HSPA12A: variants seen among roughly 807,000 people sequenced by gnomAD.
HSPA12A encodes heat shock 70 kDa protein 12A.
A neutral mutation model predicts 69.2 loss-of-function variants in HSPA12A; 28 were observed. That is an observed-to-expected ratio of 0.40 (90% CI 0.30 to 0.55). The LOEUF (loss-of-function observed/expected upper bound fraction) is 0.55. Among genes scored for constraint, HSPA12A ranks in the 20% least tolerant of loss-of-function variants. The probability of loss-of-function intolerance (pLI) is 0.38; values close to 1 mark genes in which losing one functional copy is unlikely to be tolerated. For missense variants in HSPA12A, 686 were observed against 900.7 expected (o/e 0.76, Z 3.05); for synonymous variants, 345 against 370.5 (o/e 0.93, Z 0.79).
intron 2 of HSPA12A, among the ~76,000 whole-genome samples, chr10:116,818,698 AT>A (rs1196961468): frequency 6.6e-6 from 1 of 152,206 alleles, no homozygotes; most frequent in African/African-American, 2.4e-5. Flanking sequence ...CAGTGGTCTG[AT>A]GTCCCAGAGG....
chr10:116,754,563 A>T (rs1415454049), intron 2 of HSPA12A, among the ~76,000 whole-genome samples: 3 of 152,248 alleles, frequency 2.0e-5, no homozygotes, highest in Admixed American at 6.5e-5. Context: ...ACAGGTGTGT[A>T]ACGTGCATGT....
chr10:116,776,022 G>A (rs554136430), intron 2 of HSPA12A, among the ~76,000 whole-genome samples: 13 of 152,262 alleles, frequency 8.5e-5, no homozygotes, highest in South Asian at 2.1e-4. Context: ...CATCCTCTGC[G>A]TCCCCTCTGG....
At chr10:116,691,441 C>A (rs1352989517) in intron 6 of HSPA12A, among the ~76,000 whole-genome samples, 3 of 152,108 alleles carry the variant, frequency 2.0e-5, no homozygotes, top group Admixed American at 6.6e-5. Flanking sequence ...GAAAGGTGGG[C>A]AGGATGCTTC....
chr10:116,809,230 A>G (rs1845128493), intron 2 of HSPA12A, among the ~76,000 whole-genome samples: 1 of 152,154 alleles, frequency 6.6e-6, no homozygotes, highest in African/African-American at 2.4e-5. Context: ...ACTTGCAGGT[A>G]AAGTCACCAG....
Position 116,835,023 on chromosome 10 carries a change from C to G in HSPA12A, c.4-1G>C. 3.3e-6 allele frequency: 4 copies of G among 1,230,484 alleles called. No individual in the cohort carries two copies. The highest frequency in any genetic ancestry group is 4.1e-6 in the Non-Finnish European group (4 of 986,644). 76.2% of individuals were successfully genotyped at this position (1,230,484 alleles called of 1,614,324 possible). ...ATCCGTACACGCCAACACTCTCCAT[C>G]TGTAGGAGGGGGGAAAAGAGTTGCA... On this transcript the variant is annotated splice_acceptor_variant, in intron 1 of 12. Coordinates refer to the HSPA12A transcript ENST00000635765. LOFTEE classifies it high-confidence loss of function.
chr10:116,757,624 C>G (rs1041990031), intron 2 of HSPA12A, among the ~76,000 whole-genome samples: 8 of 152,182 alleles, frequency 5.3e-5, no homozygotes, highest in African/African-American at 1.9e-4. Context: ...CAGCGGAGGT[C>G]AGGGTTAAGA....
chr10:116,751,521 A>G (rs1589685228), intron 2 of HSPA12A, among the ~76,000 whole-genome samples: 3 of 152,326 alleles, frequency 2.0e-5, no homozygotes, highest in African/African-American at 7.2e-5. Context: ...AAAAATTTCA[A>G]GGATCCAGAA....
intron 1 of HSPA12A, 114 bp from the exon 2 acceptor site, chr10:116,707,399 G>A: frequency 2.5e-6 from 2 of 813,342 alleles, no homozygotes; most frequent in Non-Finnish European, 4.0e-6. Flanking sequence ...TGCAAAGCCA[G>A]CTCACGAAAT....
intron 1 of HSPA12A, among the ~76,000 whole-genome samples, chr10:116,837,654 G>A (rs1214521999): frequency 2.0e-5 from 3 of 152,084 alleles, no homozygotes; most frequent in Admixed American, 2.0e-4. Context: ...TTTAGAGACT[G>A]GGGATTTTAG....
chr10:116,712,954 G>T, intron 1 of HSPA12A, among the ~76,000 whole-genome samples: 1 of 107,116 alleles, frequency 9.3e-6, no homozygotes, highest in African/African-American at 3.8e-5. Flanking sequence ...TTAAGGTCTG[G>T]TACTTATGAT....
intron 2 of HSPA12A, among the ~76,000 whole-genome samples, chr10:116,823,659 C>CT (rs1295461416): frequency 2.6e-5 from 4 of 152,132 alleles, no homozygotes; most frequent in African/African-American, 9.7e-5. Context: ...AAATAATAGT[C>CT]TTTTCACTAA....
At chr10:116,677,242 T>C (rs1554877856) in intron 10 of HSPA12A, among the ~76,000 whole-genome samples, 1 of 152,228 alleles carries the variant, frequency 6.6e-6, no homozygotes. Context: ...ACTAAGCAAA[T>C]GCCAGGGACT....
intron 2 of HSPA12A, among the ~76,000 whole-genome samples, chr10:116,810,046 T>A (rs1218100933): frequency 3.9e-5 from 6 of 152,170 alleles, no homozygotes; most frequent in Non-Finnish European, 1.5e-5. Flanking sequence ...CTGAAGAATG[T>A]GAACTCTGAG....
chr10:116,751,417 T>C (rs1162571156), intron 2 of HSPA12A, among the ~76,000 whole-genome samples: 1 of 152,208 alleles, frequency 6.6e-6, no homozygotes, highest in Non-Finnish European at 1.5e-5. Flanking sequence ...TATTGTGGAA[T>C]GCATATGCGT....
At chr10:116,805,471 G>A (rs1056646939) in intron 2 of HSPA12A, among the ~76,000 whole-genome samples, 2 of 152,006 alleles carry the variant, frequency 1.3e-5, no homozygotes, top group African/African-American at 4.8e-5. Context: ...AACAATGATG[G>A]GAAATTCACA....
intron 1 of HSPA12A, among the ~76,000 whole-genome samples, chr10:116,842,446 G>T (rs997154569): frequency 6.6e-6 from 1 of 152,100 alleles, no homozygotes; most frequent in Non-Finnish European, 1.5e-5. Flanking sequence ...ATTAATAAAA[G>T]AAGTACAAAT....
chr10:116,839,750 T>C (rs1470058394), intron 1 of HSPA12A, among the ~76,000 whole-genome samples: 4 of 151,124 alleles, frequency 2.6e-5, no homozygotes, highest in Non-Finnish European at 4.4e-5. Flanking sequence ...AACATAGCAA[T>C]CATATGATCA....
intron 2 of HSPA12A, among the ~76,000 whole-genome samples, chr10:116,802,732 C>T (rs999278462): frequency 1.3e-5 from 2 of 152,206 alleles, no homozygotes; most frequent in African/African-American, 4.8e-5. Context: ...CAGGCTGCCC[C>T]GATCACGGCT....
At position 116,770,730 on chromosome 10, in the gene HSPA12A, A is replaced by T. The variant is rs61608353; in HGVS notation, c.92-63445T>A. ...CCAACCTCCTGTGCACTGTTCCCAT[A>T]AGCCCCTCCCCAGGTGCTCGGGACA... On this transcript the variant is annotated intron_variant, in intron 2 of 12. Coordinates refer to the HSPA12A transcript ENST00000635765. Among the ~76,000 whole-genome samples, 5 of 152,244 alleles carry T rather than the reference A, an allele frequency of 3.3e-5. No homozygotes were observed. The East Asian group carries it at 9.7e-4, about 29-fold the overall frequency.
Sources: gnomAD v4.1 joint callset for allele counts (sites outside exome capture counted in the v4.1 genomes callset) on GRCh38, gnomAD v4.1.1 for gene constraint, MANE v1.5 for transcripts, NCBI Gene and HGNC (gene_info 2026-07-23, HGNC 2026-07-21) for gene names.